The following KYAT3 variants were observed in gnomAD, a reference collection of about 807,000 sequenced individuals.
The protein encoded by KYAT3 is kynurenine--oxoglutarate transaminase 3.
KYAT3 carries 50 observed loss-of-function variants against 59.0 expected under a neutral mutation model. The ratio of observed to expected loss-of-function variants is 0.85; its 90% CI spans 0.68 to 1.07. KYAT3 has a LOEUF of 1.07. Ranked by LOEUF, KYAT3 falls within the 50% of genes least tolerant of loss-of-function variation. The probability of loss-of-function intolerance (pLI) is 0.00; values close to 1 mark genes in which losing one functional copy is unlikely to be tolerated. For missense variants in KYAT3, 497 were observed against 533.3 expected, an observed-to-expected ratio of 0.93 and a Z score of 0.67; for synonymous variants, 148 against 177.0, an observed-to-expected ratio of 0.84 and a Z score of 1.30.
At chr1:88,970,500 C>G (rs1048403299) in intron 2 of KYAT3, among the ~76,000 whole-genome samples, 10 of 152,130 alleles carry the variant, frequency 6.6e-5, no homozygotes, top group Non-Finnish European at 8.8e-5. Flanking sequence ...AGAATCCATA[C>G]TCAGAACTAT....
At chr1:88,935,039 G>A (rs1256289540), downstream of KYAT3, among the ~76,000 whole-genome samples, 1 of 148,094 alleles carries the variant, frequency 6.8e-6, no homozygotes, top group African/African-American at 2.5e-5. Context: ...TGTTGCCCAG[G>A]CTGGAGTGCA....
At chr1:88,983,537 G>A (rs766368656) in intron 2 of KYAT3, 3 of 1,614,198 alleles carry the variant, frequency 1.9e-6, no homozygotes, top group Non-Finnish European at 2.5e-6. Flanking sequence ...TGGAGGTGGG[G>A]GCGGTCCATG....
chr1:88,978,057 ATATG>A (rs1241400242), intron 2 of KYAT3, among the ~76,000 whole-genome samples: 5 of 152,044 alleles, frequency 3.3e-5, no homozygotes, highest in Admixed American at 2.6e-4. Context: ...TTGTATATAG[ATATG>A]TATGTATATA....
intron 2 of KYAT3, among the ~76,000 whole-genome samples, chr1:88,985,718 G>C (rs1441186656): frequency 6.6e-6 from 1 of 152,134 alleles, no homozygotes; most frequent in South Asian, 2.1e-4. Context: ...GCCATAAGCA[G>C]AAAAATATAG....
At chr1:88,982,185 G>C in intron 2 of KYAT3, 1 of 863,266 alleles carries the variant, frequency 1.2e-6, no homozygotes, top group Non-Finnish European at 1.4e-6. Flanking sequence ...ACTGAGAACA[G>C]TGAGATTTCA....
At chr1:88,986,923 T>A (rs919070772) in intron 2 of KYAT3, among the ~76,000 whole-genome samples, 1 of 152,248 alleles carries the variant, frequency 6.6e-6, no homozygotes, top group African/African-American at 2.4e-5. Flanking sequence ...AAGCCTCTGA[T>A]GAACTGTAGA....
chr1:88,991,403 A>C (rs1363164349), intron 1 of KYAT3, among the ~76,000 whole-genome samples: 1 of 152,256 alleles, frequency 6.6e-6, no homozygotes, highest in Non-Finnish European at 1.5e-5. Context: ...TGAGGCAAAA[A>C]GGGCTACAGC....
Position 88,962,123 on chromosome 1 carries a change from T to C in KYAT3, c.476A>G (p.Tyr159Cys), listed in dbSNP as rs1476116794. The C allele has an allele frequency of 2.5e-6, 4 of 1,613,634 alleles. No homozygotes were observed. Among genetic ancestry groups the C allele is most frequent in the South Asian group, 2.2e-5 (2 of 91,080 alleles). ...GDEVILIVPF[Y>C]DCYEPMVRMA... ...TCTCACCATGGGCTCATAGCAGTCA[T>C]AGAAAGGCACTATTAGTATGACCTG... Residue 159 changes from tyrosine (Y) to cysteine (C), a missense_variant, in exon 6 of 14, where the codon TAT becomes TGT. Coordinates refer to ENST00000260508, the MANE Select transcript of KYAT3 (RefSeq NM_001008661.3).
chr1:88,923,729 A>G, the KYAT3 span: 498 of 278,886 alleles, frequency 1.8e-3, 3 homozygotes, highest in African/African-American at 0.011. Context: ...AGCCTCTGGG[A>G]ATCCATTCTC....
rs758603474 is a variant in KYAT3 at position 88,939,538 on chromosome 1, G to A, written c.1303-3293C>T. ...GTCTTTGAAGCCCAATATATCAAGC[G>A]AGGTATATCTCAGTGTTAATAATTG... On this transcript the variant is annotated intron_variant, in intron 13 of 13. Coordinates refer to ENST00000260508, the MANE Select transcript of KYAT3 (RefSeq NM_001008661.3). Among the ~76,000 whole-genome samples the A allele has an allele frequency of 3.9e-5, 6 of 152,300 alleles. No homozygotes were observed. The East Asian group carries it at 9.6e-4, about 24-fold the overall frequency.
chr1:88,953,902 CTTCT>C (rs1557686928), intron 9 of KYAT3, among the ~76,000 whole-genome samples: 3 of 127,210 alleles, frequency 2.4e-5, no homozygotes, highest in South Asian at 2.4e-4. Flanking sequence ...TCTTCTTCTT[CTTCT>C]TTTTTTTTTT....
At chr1:88,956,175 C>T (rs1675908354) in intron 8 of KYAT3, among the ~76,000 whole-genome samples, 1 of 152,146 alleles carries the variant, frequency 6.6e-6, no homozygotes, top group Admixed American at 6.6e-5. Flanking sequence ...GCTTGGGGGC[C>T]ATTTTAAACA....
intron 10 of KYAT3, among the ~76,000 whole-genome samples, chr1:88,952,495 G>A (rs1391077663): frequency 6.6e-6 from 1 of 152,104 alleles, no homozygotes; most frequent in Non-Finnish European, 1.5e-5. Flanking sequence ...AGATACGGTT[G>A]TTTAAAAGTG....
the KYAT3 span, among the ~76,000 whole-genome samples, chr1:88,930,630 T>C: frequency 6.6e-6 from 1 of 152,180 alleles, no homozygotes; most frequent in African/African-American, 2.4e-5. Context: ...GCAGAACTAA[T>C]AGCCCTCACT....
intron 6 of KYAT3, 22 bp downstream of exon 6, chr1:88,962,037 T>G: frequency 6.4e-7 from 1 of 1,565,700 alleles, no homozygotes; most frequent in East Asian, 2.2e-5. Flanking sequence ...CTTTGCCATA[T>G]GAACCATACT....
chr1:88,930,449 G>A, the KYAT3 span, among the ~76,000 whole-genome samples: 1 of 152,088 alleles, frequency 6.6e-6, no homozygotes, highest in African/African-American at 2.4e-5. Context: ...TCAAACCTGC[G>A]CCGCTCGAGG....
At chr1:88,952,640 CT>C (rs2101031724) in intron 10 of KYAT3, among the ~76,000 whole-genome samples, 1 of 152,302 alleles carries the variant, frequency 6.6e-6, no homozygotes, top group South Asian at 2.1e-4. Context: ...TCTGTACAGC[CT>C]GTAGAACCAT....
At chr1:88,937,020 T>G (rs1018196442) in intron 13 of KYAT3, among the ~76,000 whole-genome samples, 2 of 152,116 alleles carry the variant, frequency 1.3e-5, no homozygotes, top group African/African-American at 4.8e-5. Flanking sequence ...GAGGTGATAG[T>G]GCTGGCTGGA....
chr1:88,957,527 G>T (rs1415968668), intron 8 of KYAT3, among the ~76,000 whole-genome samples: 1 of 152,100 alleles, frequency 6.6e-6, no homozygotes, highest in African/African-American at 2.4e-5. Flanking sequence ...GTATTCGATA[G>T]AATACCTAAG....
Sources: allele counts gnomAD v4.1 joint callset (sites outside exome capture counted in the v4.1 genomes callset), GRCh38; gene constraint gnomAD v4.1.1; transcripts MANE v1.5; gene names NCBI Gene and HGNC (gene_info 2026-07-23, HGNC 2026-07-21).